The following STAG1 variants were observed in gnomAD, a reference collection of about 807,000 sequenced individuals.
The protein encoded by STAG1 is cohesin subunit SA-1.
Under a neutral mutation model 170.9 loss-of-function variants are expected in STAG1, and 26 were observed. The observed-to-expected ratio is 0.15, with a 90% CI of 0.11 to 0.21. The LOEUF (loss-of-function observed/expected upper bound fraction) is 0.21, where lower values mean the gene tolerates loss of function less well. STAG1 is among the 10% of genes least tolerant of loss of function. STAG1 has a pLI of 1.00. For missense variants in STAG1, 964 were observed against 1,509.5 expected (o/e 0.64, Z 5.99); for synonymous variants, 514 against 497.7 (o/e 1.03, Z -0.44).
chr3:136,468,815 T>G (rs566845579), intron 12 of STAG1, among the ~76,000 whole-genome samples: 18 of 152,252 alleles, frequency 1.2e-4, no homozygotes, highest in South Asian at 6.2e-4. Flanking sequence ...ATCCCTGGGA[T>G]GCAAGGCTGG....
chr3:136,435,650 T>C (rs1220703713), intron 15 of STAG1, among the ~76,000 whole-genome samples: 1 of 152,090 alleles, frequency 6.6e-6, no homozygotes. Flanking sequence ...TTCACATAGA[T>C]TCTATACTTT....
At chr3:136,441,029 CCT>C (rs1491120428) in intron 15 of STAG1, among the ~76,000 whole-genome samples, 4 of 104,826 alleles carry the variant, frequency 3.8e-5, no homozygotes, top group African/African-American at 1.4e-4. Context: ...GACCATCTTT[CCT>C]TTTTTTTTTT....
At chr3:136,685,230 T>A (rs888269720) in intron 1 of STAG1, among the ~76,000 whole-genome samples, 17 of 152,136 alleles carry the variant, frequency 1.1e-4, no homozygotes, top group African/African-American at 4.1e-4. Flanking sequence ...GCATGACAAT[T>A]GCTTGAACCC....
intron 23 of STAG1, among the ~76,000 whole-genome samples, chr3:136,373,327 GTTTT>G (rs1452504271): frequency 6.6e-6 from 1 of 152,036 alleles, no homozygotes. Flanking sequence ...TTTTTGAAGG[GTTTT>G]TTGTGTCTCT....
intron 13 of STAG1, among the ~76,000 whole-genome samples, chr3:136,462,646 A>C (rs2089307001): frequency 6.6e-6 from 1 of 152,200 alleles, no homozygotes; most frequent in Non-Finnish European, 1.5e-5. Flanking sequence ...GGAATATTTC[A>C]AAATATTTAT....
At chr3:136,355,277 G>A (rs531461132) in intron 28 of STAG1, among the ~76,000 whole-genome samples, 16 of 147,758 alleles carry the variant, frequency 1.1e-4, no homozygotes, top group Non-Finnish European at 1.5e-4. Flanking sequence ...GCTGGAACCC[G>A]GGAAGCAGAG....
intron 1 of STAG1, among the ~76,000 whole-genome samples, chr3:136,688,376 T>G (rs1942608887): frequency 6.6e-6 from 1 of 152,136 alleles, no homozygotes; most frequent in Non-Finnish European, 1.5e-5. Context: ...CAAAGATCGT[T>G]CTACCAAAGT....
At chr3:136,481,047 T>G (rs1353605158) in intron 9 of STAG1, among the ~76,000 whole-genome samples, 16 of 93,484 alleles carry the variant, frequency 1.7e-4, no homozygotes, top group Non-Finnish European at 1.9e-4. Flanking sequence ...TGACTTCCTC[T>G]TTTCCTAATT....
intron 1 of STAG1, among the ~76,000 whole-genome samples, chr3:136,744,672 T>C (rs1360401504): frequency 1.6e-5 from 2 of 126,352 alleles, no homozygotes; most frequent in Admixed American, 8.2e-5. Flanking sequence ...ACTGCAACCA[T>C]CTTTTTTTTT....
At chr3:136,702,129 G>GAGAGAGAGAGAGAGAGAGAGAC (rs1943097375) in intron 1 of STAG1, among the ~76,000 whole-genome samples, 1 of 100,308 alleles carries the variant, frequency 1.0e-5, no homozygotes, top group African/African-American at 6.0e-5. Context: ...GAGACAGAGA[G>GAGAGAGAGAGAGAGAGAGAGAC]ACAGAGAGAC....
chr3:136,544,430 T>C (rs1286433156), intron 5 of STAG1, among the ~76,000 whole-genome samples: 2 of 152,138 alleles, frequency 1.3e-5, no homozygotes, highest in East Asian at 3.9e-4. Context: ...CAAAACAATT[T>C]ATCCAAATAT....
intron 4 of STAG1, among the ~76,000 whole-genome samples, chr3:136,581,930 AAATTATGACTAT>A (rs1937598179): frequency 6.6e-6 from 1 of 152,218 alleles, no homozygotes; most frequent in Non-Finnish European, 1.5e-5. Context: ...AAAATCTTAA[AAATTATGACTAT>A]GTGTGATACT....
At chr3:136,556,523 A>T (rs909944235) in intron 5 of STAG1, among the ~76,000 whole-genome samples, 1 of 152,154 alleles carries the variant, frequency 6.6e-6, no homozygotes, top group Non-Finnish European at 1.5e-5. Context: ...GATTCAATAT[A>T]ATTCCATTTA....
chr3:136,493,287 G>A (rs867969303), intron 9 of STAG1, among the ~76,000 whole-genome samples: 60 of 152,222 alleles, frequency 3.9e-4, no homozygotes, highest in African/African-American at 1.4e-3. Flanking sequence ...AGGCTGAAGT[G>A]AGCTGTGATT....
intron 6 of STAG1, among the ~76,000 whole-genome samples, chr3:136,522,089 G>T (rs982354428): frequency 2.6e-5 from 4 of 152,204 alleles, no homozygotes; most frequent in African/African-American, 9.6e-5. Flanking sequence ...TCTCTGTCTA[G>T]TGTAAGACAC....
chr3:136,610,551 T>C (rs929316266), intron 3 of STAG1, among the ~76,000 whole-genome samples: 1 of 152,196 alleles, frequency 6.6e-6, no homozygotes, highest in Non-Finnish European at 1.5e-5. Context: ...CTTATCAACA[T>C]GTGAAGATAC....
chr3:136,747,726 T>C (rs148500338), intron 1 of STAG1, among the ~76,000 whole-genome samples: 5 of 151,372 alleles, frequency 3.3e-5, no homozygotes, highest in Non-Finnish European at 7.4e-5. Flanking sequence ...TTCAATATCA[T>C]ATCAAAAACA....
chr3:136,544,067 T>G (rs1424117889), intron 5 of STAG1, among the ~76,000 whole-genome samples: 1 of 152,088 alleles, frequency 6.6e-6, no homozygotes, highest in Non-Finnish European at 1.5e-5. Flanking sequence ...TTCCAGAGGT[T>G]TTCCCATCAC....
chr3:136,712,819 G>A (rs561687134), intron 1 of STAG1, among the ~76,000 whole-genome samples: 12 of 152,214 alleles, frequency 7.9e-5, no homozygotes, highest in South Asian at 4.1e-4. Flanking sequence ...GGCCGGGCAC[G>A]GTGGCTCATG....
Sources: gnomAD v4.1 joint callset for allele counts (sites outside exome capture counted in the v4.1 genomes callset) on GRCh38, gnomAD v4.1.1 for gene constraint, MANE v1.5 for transcripts, NCBI Gene and HGNC (gene_info 2026-07-23, HGNC 2026-07-21) for gene names.